The following LDLRAD3 variants were observed in gnomAD, a reference collection of about 807,000 sequenced individuals.
LDLRAD3 encodes the protein low density lipoprotein receptor class A domain containing 3, also known as low-density lipoprotein receptor class A domain-containing protein 3.
A neutral mutation model predicts 29.4 loss-of-function variants in LDLRAD3; 20 were observed. The ratio of observed to expected loss-of-function variants is 0.68; its 90% CI spans 0.48 to 0.99. LDLRAD3 has a LOEUF of 0.99. LDLRAD3 is among the 50% of genes least tolerant of loss of function. The pLI, the probability that LDLRAD3 is intolerant of heterozygous loss-of-function variation, is 0.00. For missense variants in LDLRAD3, 420 were observed against 454.3 expected, an observed-to-expected ratio of 0.92 and a Z score of 0.69; for synonymous variants, 157 against 192.7, an observed-to-expected ratio of 0.81 and a Z score of 1.53.
intron 4 of LDLRAD3, among the ~76,000 whole-genome samples, chr11:36,216,892 G>A (rs1260554432): frequency 6.6e-6 from 1 of 152,192 alleles, no homozygotes; most frequent in Non-Finnish European, 1.5e-5. Flanking sequence ...GGTGACAGAT[G>A]TTCAGGATAA....
chr11:36,076,214 G>A (rs146303471), intron 2 of LDLRAD3, among the ~76,000 whole-genome samples: 4 of 107,416 alleles, frequency 3.7e-5, no homozygotes, highest in South Asian at 3.6e-4. Flanking sequence ...TTGTCTGTCT[G>A]TCCATCCGTC....
At chr11:36,191,607 C>T (rs374007123) in intron 4 of LDLRAD3, among the ~76,000 whole-genome samples, 1,678 of 86,124 alleles carry the variant, frequency 0.019, 74 homozygotes, top group Middle Eastern at 0.04. Context: ...TATACACACA[C>T]ACACACACAC....
intron 5 of LDLRAD3, 29 bp from the exon 6 acceptor site, chr11:36,229,131 C>T (rs763477666): frequency 6.8e-7 from 1 of 1,474,010 alleles, no homozygotes; most frequent in South Asian, 1.1e-5. Flanking sequence ...GTCTCCATTG[C>T]CCCTGCCCCC....
At chr11:36,177,736 G>A (rs1854700315) in intron 4 of LDLRAD3, among the ~76,000 whole-genome samples, 1 of 152,194 alleles carries the variant, frequency 6.6e-6, no homozygotes, top group Non-Finnish European at 1.5e-5. Flanking sequence ...TAGCAGGGGA[G>A]TGAAGTGGAC....
chr11:36,220,817 A>G (rs1005684351), intron 4 of LDLRAD3, among the ~76,000 whole-genome samples: 3 of 152,364 alleles, frequency 2.0e-5, no homozygotes, highest in African/African-American at 7.2e-5. Flanking sequence ...GTGGAAGAGG[A>G]CATGTGACTG....
chr11:36,092,558 T>C (rs1186454150), intron 3 of LDLRAD3, among the ~76,000 whole-genome samples: 1 of 152,228 alleles, frequency 6.6e-6, no homozygotes, highest in Non-Finnish European at 1.5e-5. Context: ...TGTTATCTAT[T>C]TTTCCACTCT....
chr11:36,116,676 TAAAA>T (rs566464250), intron 4 of LDLRAD3, among the ~76,000 whole-genome samples: 1 of 151,096 alleles, frequency 6.6e-6, no homozygotes, highest in Non-Finnish European at 1.5e-5. Flanking sequence ...ACTAAAAAAA[TAAAA>T]AATAAAAAAA....
intron 1 of LDLRAD3, among the ~76,000 whole-genome samples, chr11:35,998,685 G>A (rs530401898): frequency 6.6e-6 from 1 of 152,304 alleles, no homozygotes; most frequent in South Asian, 2.1e-4. Context: ...TCTAATTAGG[G>A]TCTTGGTCTG....
intron 4 of LDLRAD3, among the ~76,000 whole-genome samples, chr11:36,178,670 A>G (rs1460006809): frequency 6.6e-6 from 1 of 152,162 alleles, no homozygotes; most frequent in East Asian, 1.9e-4. Context: ...ACCAGCGCTA[A>G]TTCCCTTCAC....
At chr11:36,134,670 A>G (rs1265298347) in intron 4 of LDLRAD3, among the ~76,000 whole-genome samples, 1 of 152,246 alleles carries the variant, frequency 6.6e-6, no homozygotes, top group Non-Finnish European at 1.5e-5. Flanking sequence ...AGGTAGCTGC[A>G]GCCACATTGG....
intron 1 of LDLRAD3, among the ~76,000 whole-genome samples, chr11:36,018,378 A>G (rs1852050276): frequency 6.6e-6 from 1 of 152,178 alleles, no homozygotes; most frequent in African/African-American, 2.4e-5. Context: ...ACATGTTATA[A>G]CAAGTTAGTA....
At chr11:36,133,730 G>C (rs973585666) in intron 4 of LDLRAD3, among the ~76,000 whole-genome samples, 2 of 149,116 alleles carry the variant, frequency 1.3e-5, no homozygotes, top group Non-Finnish European at 3.0e-5. Context: ...GTAGAAACAG[G>C]GTTTCACCGT....
chr11:36,025,774 ATT>A (rs754006718), intron 1 of LDLRAD3, among the ~76,000 whole-genome samples: 233 of 84,374 alleles, frequency 2.8e-3, no homozygotes, highest in African/African-American at 6.3e-3. Flanking sequence ...CCTGAATTTG[ATT>A]TTTTTTTTTT....
intron 2 of LDLRAD3, among the ~76,000 whole-genome samples, chr11:36,056,610 G>A (rs1852625064): frequency 6.6e-6 from 1 of 152,156 alleles, no homozygotes; most frequent in Admixed American, 6.5e-5. Flanking sequence ...CTCTCGGAAT[G>A]CATAAAGTGC....
intron 4 of LDLRAD3, among the ~76,000 whole-genome samples, chr11:36,170,321 TG>T (rs1590328147): frequency 1.3e-5 from 2 of 148,590 alleles, no homozygotes; most frequent in South Asian, 4.2e-4. Flanking sequence ...TACGTATATA[TG>T]TATATATGTA....
chr11:36,011,474 A>G (rs1182001484), intron 1 of LDLRAD3, among the ~76,000 whole-genome samples: 1 of 152,220 alleles, frequency 6.6e-6, no homozygotes, highest in Non-Finnish European at 1.5e-5. Context: ...AAGTGAGAAC[A>G]CAGTGGTCAT....
chr11:36,036,688 G>T (rs1176988323), intron 2 of LDLRAD3, among the ~76,000 whole-genome samples: 1 of 152,202 alleles, frequency 6.6e-6, no homozygotes, highest in Non-Finnish European at 1.5e-5. Flanking sequence ...TTTTCTTGAT[G>T]ATTAAATGAG....
intron 1 of LDLRAD3, among the ~76,000 whole-genome samples, chr11:35,995,799 G>A (rs973987518): frequency 5.9e-5 from 9 of 152,208 alleles, no homozygotes; most frequent in Non-Finnish European, 1.3e-4. Flanking sequence ...TTATATTACA[G>A]AGATGGCTGC....
chr11:36,123,182 G>A (rs898317179), intron 4 of LDLRAD3, among the ~76,000 whole-genome samples: 4 of 151,898 alleles, frequency 2.6e-5, no homozygotes, highest in African/African-American at 7.3e-5. Flanking sequence ...GCGAGACTCC[G>A]TCTCAAAATA....
Sources: allele counts gnomAD v4.1 joint callset (sites outside exome capture counted in the v4.1 genomes callset), GRCh38; gene constraint gnomAD v4.1.1; transcripts MANE v1.5; gene names NCBI Gene and HGNC (gene_info 2026-07-23, HGNC 2026-07-21).